Variants in FRAS1 observed in about 807,000 individuals in gnomAD.
FRAS1 encodes Fraser extracellular matrix complex subunit 1, also known as extracellular matrix organizing protein FRAS1.
Under a neutral mutation model 435.2 loss-of-function variants are expected in FRAS1, and 290 were observed. The observed-to-expected ratio is 0.67, with a 90% CI of 0.61 to 0.73. The LOEUF (loss-of-function observed/expected upper bound fraction) is 0.73, where lower values mean the gene tolerates loss of function less well. FRAS1 is among the 30% of genes least tolerant of loss of function. The pLI is 0.00. For synonymous variants in FRAS1, 1,800 were observed against 1,851.0 expected, an observed-to-expected ratio of 0.97 and a Z score of 0.71; for missense variants, 4,860 against 5,001.5, an observed-to-expected ratio of 0.97 and a Z score of 0.85.
chr4:78,259,638 T>C (rs1278589926), intron 6 of FRAS1, among the ~76,000 whole-genome samples: 3 of 149,330 alleles, frequency 2.0e-5, no homozygotes, highest in Non-Finnish European at 3.0e-5. Context: ...TTGCGAAAAT[T>C]TTCTCCCATT....
chr4:78,183,101 G>C (rs1722104581), intron 2 of FRAS1, among the ~76,000 whole-genome samples: 1 of 152,098 alleles, frequency 6.6e-6, no homozygotes, highest in Admixed American at 6.5e-5. Context: ...CTGATGTTGA[G>C]ACAGGGTCGA....
At chr4:78,081,767 G>A (rs573851899) in intron 2 of FRAS1, among the ~76,000 whole-genome samples, 5 of 152,104 alleles carry the variant, frequency 3.3e-5, no homozygotes, top group East Asian at 3.9e-4. Context: ...TCAGGGCATC[G>A]TAGCTGATGG....
At chr4:78,484,664 T>C (rs1720115201) in intron 58 of FRAS1, among the ~76,000 whole-genome samples, 1 of 152,194 alleles carries the variant, frequency 6.6e-6, no homozygotes, top group Non-Finnish European at 1.5e-5. Flanking sequence ...ATGACACTTA[T>C]ATTATCTCAT....
Position 78,540,719 on chromosome 4 carries a change from G to C in FRAS1, c.11634G>C (p.Lys3878Asn), listed in dbSNP as rs749106181. ...LIYDNEGDQV[K>N]NGTNMKSLNL... Reference sequence around the variant, plus strand: ...ATGACAATGAAGGAGACCAAGTCAAGAATGGCACCAATATGAAGTCCCTGA... The same window carrying C: ...ATGACAATGAAGGAGACCAAGTCAACAATGGCACCAATATGAAGTCCCTGA... Residue 3878 changes from lysine to asparagine, a missense_variant, in exon 74 of 74, where the codon AAG becomes AAC. By Grantham distance (94) the Lys-to-Asn change is moderately conservative. Coordinates refer to ENST00000512123, the MANE Select transcript of FRAS1 (RefSeq NM_025074.7). 1.2e-5 allele frequency: 20 copies of C among 1,613,684 alleles called. No homozygotes were observed.
At chr4:78,482,905 G>C (rs1279023229) in intron 58 of FRAS1, among the ~76,000 whole-genome samples, 4 of 152,214 alleles carry the variant, frequency 2.6e-5, no homozygotes, top group Non-Finnish European at 5.9e-5. Context: ...GGAACTACAA[G>C]TGGGGGAAAT....
chr4:78,389,307 C>G (rs1337212801), intron 29 of FRAS1, among the ~76,000 whole-genome samples: 1 of 152,214 alleles, frequency 6.6e-6, no homozygotes, highest in Non-Finnish European at 1.5e-5. Context: ...TAATGACTAG[C>G]TAGAGAGACT....
chr4:78,535,170 C>T (rs759234803), intron 71 of FRAS1, among the ~76,000 whole-genome samples: 1 of 152,130 alleles, frequency 6.6e-6, no homozygotes, highest in Non-Finnish European at 1.5e-5. Context: ...CAGATGACTC[C>T]TTCTCACTCT....
chr4:78,369,939 T>C lies in FRAS1; in HGVS notation c.2824T>C (p.Cys942Arg). Residue 942 changes from cysteine to arginine, a missense_variant, in exon 23 of 74, where the codon TGC (cysteine) becomes CGC (arginine). By Grantham distance (180) the Cys-to-Arg change is radical. Transcript: ENST00000512123. ...LLFGECQYES[C>R]APQYYLDFST... ...CTTTGGGGAATGTCAATACGAGAGCTGCGCCCCACAGTACTATCTTGACTT... is the reference window on the plus strand; with the variant it reads ...CTTTGGGGAATGTCAATACGAGAGCCGCGCCCCACAGTACTATCTTGACTT... 1 of 1,613,844 alleles carries C rather than the reference T, an allele frequency of 6.2e-7. No homozygotes were observed. The highest frequency in any genetic ancestry group is 1.1e-5 in the South Asian group (1 of 91,040).
In FRAS1 at chr4:78,171,094, C is replaced by G. The variant is rs930026834; in HGVS notation, c.109-66416C>G. ...CGGGCCTTCCTTACCTATGAGGTAGCTTGTCTGTGATTGGTTCTCTTTTTG... is the reference window on the plus strand; with the variant it reads ...CGGGCCTTCCTTACCTATGAGGTAGGTTGTCTGTGATTGGTTCTCTTTTTG... On this transcript the variant is annotated intron_variant, in intron 2 of 73. Transcript: ENST00000512123. Among the ~76,000 whole-genome samples the G allele has an allele frequency of 2.6e-5, 4 of 152,224 alleles. No individual in the cohort carries two copies. In the South Asian group the frequency reaches 8.3e-4, roughly 32 times the overall value.
At chr4:78,355,628 A>T (rs1234773686) in intron 20 of FRAS1, among the ~76,000 whole-genome samples, 1 of 152,154 alleles carries the variant, frequency 6.6e-6, no homozygotes, top group African/African-American at 2.4e-5. Flanking sequence ...TTTGGATGGG[A>T]CATTAATCCT....
At position 78,502,922 on chromosome 4, in the gene FRAS1, G is replaced by A. The variant is rs183060243; in HGVS notation, c.9316+3001G>A. ...CTAGTTTATTGAGAGTTTTTAGCAT[G>A]AAGAGCTGTTGAATTTTGTCAAAGG... On this transcript the variant is annotated intron_variant, in intron 61 of 73. Transcript: ENST00000512123. Among the ~76,000 whole-genome samples the A allele has an allele frequency of 4.3e-3, 650 of 152,278 alleles. 6 individuals carry two copies. Among genetic ancestry groups the A allele is most frequent in the African/African-American group, 0.015 (614 of 41,548 alleles).
intron 2 of FRAS1, among the ~76,000 whole-genome samples, chr4:78,115,555 T>G (rs933423191): frequency 3.3e-5 from 5 of 152,232 alleles, no homozygotes; most frequent in Non-Finnish European, 7.3e-5. Context: ...GGTTTGGTCT[T>G]GGGAGGGTGT....
chr4:78,420,890 ATATATATATATAT>A (rs1733756212), intron 33 of FRAS1, among the ~76,000 whole-genome samples: 2 of 40,468 alleles, frequency 4.9e-5, no homozygotes, highest in Non-Finnish European at 1.3e-4. Flanking sequence ...ATATATATAT[ATATATATATATAT>A]ATATATATAT....
intron 26 of FRAS1, among the ~76,000 whole-genome samples, 179 bp downstream of exon 26, chr4:78,376,058 G>A (rs1007210578): frequency 2.0e-5 from 3 of 152,146 alleles, no homozygotes; most frequent in African/African-American, 4.8e-5. Flanking sequence ...TTGGGAAATC[G>A]CAACTTCTGT....
intron 2 of FRAS1, among the ~76,000 whole-genome samples, chr4:78,135,331 C>T (rs1179930003): frequency 6.6e-6 from 1 of 152,156 alleles, no homozygotes; most frequent in Non-Finnish European, 1.5e-5. Flanking sequence ...AGTATATCCT[C>T]CTAGTAGGAG....
rs1251249785 is a variant in FRAS1 at position 78,237,623 on chromosome 4, G to C, written c.216+6G>C. ...CTCAATGTGCCTTTGAGAAGGTACG[G>C]TATCCTAATTGTGTCCTAAATGTAT... On this transcript the variant is annotated splice_donor_region_variant and intron_variant, in intron 3 of 73. Transcript: ENST00000512123. The C allele has an allele frequency of 7.8e-6, 12 of 1,546,566 alleles. No individual in the cohort carries two copies. Among genetic ancestry groups the C allele is most frequent in the Non-Finnish European group, 1.1e-5 (12 of 1,124,840 alleles).
intron 34 of FRAS1, among the ~76,000 whole-genome samples, chr4:78,422,387 C>T (rs1463634287): frequency 6.6e-6 from 1 of 152,030 alleles, no homozygotes; most frequent in African/African-American, 2.4e-5. Context: ...GGGATAAGAG[C>T]TCTGAGGAAG....
chr4:78,271,368 G>A (rs1221857385), intron 9 of FRAS1, among the ~76,000 whole-genome samples: 1 of 150,658 alleles, frequency 6.6e-6, no homozygotes, highest in African/African-American at 2.5e-5. Context: ...CAACGTGCAG[G>A]TTTGTTACAT....
rs1380627962 is a variant in FRAS1 at position 78,543,864 on chromosome 4, A to G, written c.*2740A>G. 6.6e-6 allele frequency: 1 copy of G among 152,512 alleles called. No individual in the cohort carries two copies. Among genetic ancestry groups the G allele is most frequent in the Admixed American group, 6.5e-5 (1 of 15,282 alleles). 9.4% of individuals were successfully genotyped at this position (152,512 alleles called of 1,614,324 possible). A position where few individuals can be genotyped will look rare whatever the true frequency, so the allele number is the denominator to read the frequency against. On this transcript the variant is annotated 3_prime_UTR_variant, in exon 74 of 74. Coordinates refer to ENST00000512123, the MANE Select transcript of FRAS1 (RefSeq NM_025074.7). Reference sequence around the variant, plus strand: ...ACCTTTTATATCTTGCCTTCAAGTGAGAAGGAACAAACAACTCTCAGTGGT... The same window carrying G: ...ACCTTTTATATCTTGCCTTCAAGTGGGAAGGAACAAACAACTCTCAGTGGT...
Sources: gnomAD v4.1 joint callset for allele counts (sites outside exome capture counted in the v4.1 genomes callset) on GRCh38, gnomAD v4.1.1 for gene constraint, MANE v1.5 for transcripts, NCBI Gene and HGNC (gene_info 2026-07-23, HGNC 2026-07-21) for gene names.